Variants in SLC10A7 observed in about 807,000 individuals in gnomAD.
SLC10A7 encodes sodium/bile acid cotransporter 7.
Under a neutral mutation model 43.2 loss-of-function variants are expected in SLC10A7, and 29 were observed. The observed-to-expected ratio is 0.67, with a 90% CI of 0.50 to 0.92. The LOEUF (loss-of-function observed/expected upper bound fraction) is 0.92. Among genes scored for constraint, SLC10A7 ranks in the 40% least tolerant of loss-of-function variants. The pLI, the probability that SLC10A7 is intolerant of heterozygous loss-of-function variation, is 0.00. For missense variants in SLC10A7, 295 were observed against 403.2 expected, an observed-to-expected ratio of 0.73 and a Z score of 2.30; for synonymous variants, 152 against 144.8, an observed-to-expected ratio of 1.05 and a Z score of -0.35.
At chr4:146,331,993 G>C (rs1050053001) in intron 5 of SLC10A7, among the ~76,000 whole-genome samples, 3 of 152,146 alleles carry the variant, frequency 2.0e-5, no homozygotes, top group African/African-American at 4.8e-5. Context: ...TGAATGTCAA[G>C]ATACATAACT....
intron 4 of SLC10A7, among the ~76,000 whole-genome samples, chr4:146,491,947 GTGGGTCACGCC>G (rs1275308177): frequency 5.3e-5 from 8 of 152,154 alleles, no homozygotes. Context: ...GCCGGGTGCG[GTGGGTCACGCC>G]TGTAATCCCA....
rs1315595950 is a variant in SLC10A7 at position 146,283,263 on chromosome 4, T to C, written c.776A>G (p.Asn259Ser). ...GTCTGCTGGTGTGAAACCCGAATTA[T>C]TCCTAGGGGCAAAAAAAGATTTTGA... Reference protein sequence around the residue: ...MLLTFIFSTRNNSGFTPADTV... With the variant: ...MLLTFIFSTRSNSGFTPADTV... The change falls in exon 10 of 12, where the codon AAT becomes AGT. Residue 259 changes from asparagine to serine, a missense_variant and splice_region_variant. Asn to Ser is a conservative substitution (Grantham distance 46, BLOSUM62 1). Coordinates refer to ENST00000335472, the MANE Select transcript of SLC10A7 (RefSeq NM_001029998.6). 1.2e-6 allele frequency: 2 copies of C among 1,612,976 alleles called. No individual in the cohort carries two copies. The highest frequency in any genetic ancestry group is 1.7e-6 in the Non-Finnish European group (2 of 1,179,370).
intron 5 of SLC10A7, among the ~76,000 whole-genome samples, chr4:146,427,134 A>G (rs2149860599): frequency 6.6e-6 from 1 of 152,210 alleles, no homozygotes; most frequent in East Asian, 1.9e-4. Context: ...ATTGTAGACC[A>G]GCTTGGGTAA....
intron 9 of SLC10A7, 98 bp downstream of exon 9, chr4:146,292,831 G>A (rs78422891): frequency 1.2e-6 from 1 of 806,064 alleles, no homozygotes; most frequent in Non-Finnish European, 2.0e-6. Flanking sequence ...TATGTAAAAG[G>A]AGAAAAAAAT....
At chr4:146,402,633 G>A (rs1050151368) in intron 5 of SLC10A7, among the ~76,000 whole-genome samples, 1 of 152,174 alleles carries the variant, frequency 6.6e-6, no homozygotes, top group African/African-American at 2.4e-5. Context: ...AAAAAAGGGG[G>A]CAGGGGGACA....
intron 5 of SLC10A7, among the ~76,000 whole-genome samples, chr4:146,435,743 T>C (rs998689624): frequency 6.6e-6 from 1 of 152,164 alleles, no homozygotes; most frequent in Non-Finnish European, 1.5e-5. Context: ...AACTAAGCAG[T>C]TCTGTAGTAG....
intron 5 of SLC10A7, among the ~76,000 whole-genome samples, chr4:146,327,988 T>C (rs548312534): frequency 6.6e-6 from 1 of 152,308 alleles, no homozygotes; most frequent in East Asian, 1.9e-4. Flanking sequence ...CTGCCACAAG[T>C]GCACTGGCAC....
chr4:146,509,949 A>G lies in SLC10A7; in HGVS notation c.284T>C (p.Leu95Ser). 6.2e-7 allele frequency: 1 copy of G among 1,613,844 alleles called. No individual in the cohort carries two copies. The highest frequency in any genetic ancestry group is 8.5e-7 in the Non-Finnish European group (1 of 1,179,890). ...PATIWLFLQL[L>S]SITPINEWLL... ...CCATTCGTTGATGGGTGTGATTGAT[A>G]AAAGCTGAAGAAAAAGCCATATTGT... The change falls in exon 3 of 12, where the codon TTA (leucine) becomes TCA (serine). Residue 95 changes from leucine (L) to serine (S), a missense_variant. Physicochemically the swap from Leu to Ser is moderately radical, Grantham distance 145. Around this residue, in one of 2 missense-constraint regions of SLC10A7, gnomAD observed 242 missense variants for 362.5 expected, o/e 0.67. Coordinates refer to ENST00000335472, the MANE Select transcript of SLC10A7 (RefSeq NM_001029998.6).
intron 10 of SLC10A7, among the ~76,000 whole-genome samples, chr4:146,277,669 C>T (rs909182989): frequency 5.3e-5 from 8 of 152,146 alleles, no homozygotes; most frequent in African/African-American, 1.9e-4. Context: ...TATGGCTACA[C>T]TCCAAAGATA....
At chr4:146,443,543 G>GA (rs1730775021) in intron 4 of SLC10A7, among the ~76,000 whole-genome samples, 1 of 151,924 alleles carries the variant, frequency 6.6e-6, no homozygotes, top group African/African-American at 2.4e-5. Context: ...ACCCAAAAAG[G>GA]AAAAAACTTG....
At chr4:146,264,469 A>G (rs1728432516) in intron 10 of SLC10A7, among the ~76,000 whole-genome samples, 1 of 152,080 alleles carries the variant, frequency 6.6e-6, no homozygotes, top group Non-Finnish European at 1.5e-5. Context: ...CCATTCATTC[A>G]TTCATTCATT....
Position 146,283,179 on chromosome 4 carries a change from G to A in SLC10A7, c.847+13C>T. 1 of 1,604,884 alleles carries A rather than the reference G, an allele frequency of 6.2e-7. No homozygotes were observed. The highest frequency in any genetic ancestry group is 8.5e-7 in the Non-Finnish European group (1 of 1,172,234). On this transcript the variant is annotated intron_variant, in intron 10 of 11. Transcript: ENST00000335472. ...AGGGTAATAGGTGGTTTTTAACTCT[G>A]TGAATCACTTACCCAATGTAAGGGA...
chr4:146,422,121 G>A (rs953886867), intron 5 of SLC10A7, among the ~76,000 whole-genome samples: 3 of 152,084 alleles, frequency 2.0e-5, no homozygotes, highest in Admixed American at 6.5e-5. Flanking sequence ...ATTGAAAAGA[G>A]CCAAGCATAC....
intron 5 of SLC10A7, among the ~76,000 whole-genome samples, chr4:146,438,782 G>A (rs887059618): frequency 6.6e-6 from 1 of 151,820 alleles, no homozygotes; most frequent in African/African-American, 2.4e-5. Flanking sequence ...TGGCGAATTT[G>A]TTTTCAACAC....
chr4:146,346,564 C>T, intron 5 of SLC10A7, among the ~76,000 whole-genome samples: 1 of 152,116 alleles, frequency 6.6e-6, no homozygotes, highest in East Asian at 1.9e-4. Flanking sequence ...ACATGTCTCC[C>T]TTTTCAACTC....
At chr4:146,285,698 G>A (rs1560762417) in intron 9 of SLC10A7, among the ~76,000 whole-genome samples, 2 of 152,234 alleles carry the variant, frequency 1.3e-5, no homozygotes, top group African/African-American at 4.8e-5. Flanking sequence ...TAAAGAGGAG[G>A]CTCAGTGAGC....
intron 4 of SLC10A7, among the ~76,000 whole-genome samples, chr4:146,477,575 T>C (rs1734135890): frequency 6.6e-6 from 1 of 152,224 alleles, no homozygotes; most frequent in South Asian, 2.1e-4. Context: ...TGCAAGATTA[T>C]ATCATAAAAG....
chr4:146,364,341 T>C (rs948654910), intron 5 of SLC10A7, among the ~76,000 whole-genome samples: 3 of 152,036 alleles, frequency 2.0e-5, no homozygotes, highest in African/African-American at 4.8e-5. Flanking sequence ...AGATCAAAGC[T>C]GTAAGACAAT....
chr4:146,350,397 G>A (rs1163186932), intron 5 of SLC10A7, among the ~76,000 whole-genome samples: 4 of 142,928 alleles, frequency 2.8e-5, no homozygotes, highest in South Asian at 2.3e-4. Flanking sequence ...ACGGAATCTC[G>A]CTGATTGCTA....
Sources: allele counts gnomAD v4.1 joint callset (sites outside exome capture counted in the v4.1 genomes callset), GRCh38; gene constraint gnomAD v4.1.1; regional missense constraint gnomAD v4.1.1; transcripts MANE v1.5; gene names NCBI Gene and HGNC (gene_info 2026-07-23, HGNC 2026-07-21).